SNX24: variants seen among roughly 807,000 people sequenced by gnomAD.
The protein encoded by SNX24 is sorting nexin-24.
Under a neutral mutation model 28.7 loss-of-function variants are expected in SNX24, and 22 were observed. The observed-to-expected ratio is 0.77, with a 90% CI of 0.55 to 1.10. The LOEUF is 1.10. Among genes scored for constraint, SNX24 ranks in the 50% least tolerant of loss-of-function variants. The pLI, the probability that SNX24 is intolerant of heterozygous loss-of-function variation, is 0.00. For missense variants in SNX24, 221 were observed against 201.1 expected (o/e 1.10, Z -0.60); for synonymous variants, 69 against 71.5 (o/e 0.96, Z 0.18).
At chr5:122,956,464 T>A (rs1045887690) in intron 3 of SNX24, among the ~76,000 whole-genome samples, 8 of 151,872 alleles carry the variant, frequency 5.3e-5, no homozygotes, top group Admixed American at 2.0e-4. Flanking sequence ...GTTGCTTCCA[T>A]GTTTTAGTTT....
chr5:122,925,562 C>A (rs1405370290), intron 1 of SNX24, among the ~76,000 whole-genome samples: 1 of 151,958 alleles, frequency 6.6e-6, no homozygotes, highest in Non-Finnish European at 1.5e-5. Context: ...CTGTGTCAGG[C>A]CTTGGTCTTT....
At chr5:123,001,498 C>G (rs1286304996) in intron 5 of SNX24, 61 bp downstream of exon 5, 7 of 1,156,922 alleles carry the variant, frequency 6.1e-6, no homozygotes, top group Non-Finnish European at 7.6e-6. Flanking sequence ...GTTTAATCAC[C>G]TACGATGTGT....
At position 122,879,575 on chromosome 5, in the gene SNX24, C is replaced by T. The variant is rs144584777; in HGVS notation, c.60+33882C>T. ...TCAGACTCAGTTTCCCTCTCTACCA[C>T]TTACAAGCTGTGAGACATTGAGTGA... On this transcript the variant is annotated intron_variant, in intron 1 of 6. Coordinates refer to ENST00000261369, the MANE Select transcript of SNX24 (RefSeq NM_014035.4). Among the ~76,000 whole-genome samples, 512 of 152,316 alleles carry T rather than the reference C, an allele frequency of 3.4e-3. 4 individuals are homozygous for T. The highest frequency in any genetic ancestry group is 0.012 in the African/African-American group (488 of 41,570).
At chr5:122,976,307 A>G (rs112390044) in intron 3 of SNX24, among the ~76,000 whole-genome samples, 1 of 150,358 alleles carries the variant, frequency 6.7e-6, no homozygotes, top group Non-Finnish European at 1.5e-5. Flanking sequence ...AAAAAAAAAA[A>G]AAACAGGCAA....
chr5:122,877,118 G>A (rs1756259628), intron 1 of SNX24, among the ~76,000 whole-genome samples: 1 of 152,158 alleles, frequency 6.6e-6, no homozygotes, highest in Non-Finnish European at 1.5e-5. Flanking sequence ...GCACTGGGGA[G>A]AGGAGGGCAC....
intron 1 of SNX24, among the ~76,000 whole-genome samples, chr5:122,897,397 A>T (rs1368225004): frequency 6.6e-6 from 1 of 152,124 alleles, no homozygotes; most frequent in African/African-American, 2.4e-5. Flanking sequence ...ACTACCTTAT[A>T]TGAGCCCTTA....
At chr5:122,920,818 A>G (rs892112860) in intron 1 of SNX24, among the ~76,000 whole-genome samples, 32 of 152,242 alleles carry the variant, frequency 2.1e-4, no homozygotes, top group African/African-American at 7.7e-4. Flanking sequence ...TACATGTTCA[A>G]TGCAGAAAAA....
chr5:122,968,888 T>C (rs1298030478), intron 3 of SNX24, among the ~76,000 whole-genome samples: 1 of 152,178 alleles, frequency 6.6e-6, no homozygotes. Context: ...TTTTATACGG[T>C]ATCTAGTTGG....
At chr5:123,018,547 TG>T (rs1762718099) in intron 5 of SNX24, among the ~76,000 whole-genome samples, 2 of 152,094 alleles carry the variant, frequency 1.3e-5, no homozygotes, top group Non-Finnish European at 2.9e-5. Context: ...GAAAAGTTAA[TG>T]GGGGTGGAAA....
intron 6 of SNX24, among the ~76,000 whole-genome samples, 189 bp from the exon 7 acceptor site, chr5:123,007,493 T>A (rs1409396935): frequency 6.6e-6 from 1 of 152,196 alleles, no homozygotes; most frequent in Non-Finnish European, 1.5e-5. Flanking sequence ...GGTGGTGTGC[T>A]CAAGTGGCTT....
At chr5:122,985,602 T>A (rs1260996150) in intron 3 of SNX24, among the ~76,000 whole-genome samples, 1 of 152,248 alleles carries the variant, frequency 6.6e-6, no homozygotes, top group East Asian at 1.9e-4. Context: ...ATGTTATTAT[T>A]GTTTCCTCAG....
intron 1 of SNX24, among the ~76,000 whole-genome samples, chr5:122,894,206 G>T (rs1312573492): frequency 6.6e-6 from 1 of 151,796 alleles, no homozygotes; most frequent in Non-Finnish European, 1.5e-5. Flanking sequence ...GATATTTTTG[G>T]AAAAGTCTTG....
chr5:122,985,831 C>T (rs878920809), intron 3 of SNX24, among the ~76,000 whole-genome samples: 5 of 152,206 alleles, frequency 3.3e-5, no homozygotes, highest in Admixed American at 3.3e-4. Context: ...CTGATTCTGC[C>T]TCTGGAACAA....
At chr5:123,020,050 G>C (rs949788203) in intron 5 of SNX24, among the ~76,000 whole-genome samples, 23 of 152,192 alleles carry the variant, frequency 1.5e-4, no homozygotes, top group Non-Finnish European at 3.1e-4. Context: ...TGTTACTAGA[G>C]AGAAGTCAGG....
intron 3 of SNX24, among the ~76,000 whole-genome samples, chr5:122,954,210 G>T (rs1327504829): frequency 6.9e-6 from 1 of 145,806 alleles, no homozygotes; most frequent in Non-Finnish European, 1.5e-5. Context: ...TATATATATA[G>T]TTTTATATAT....
intron 1 of SNX24, among the ~76,000 whole-genome samples, chr5:122,858,281 A>G (rs1755299472): frequency 6.6e-6 from 1 of 152,256 alleles, no homozygotes; most frequent in African/African-American, 2.4e-5. Flanking sequence ...TTGGAGAATT[A>G]CAAAACTGTG....
chr5:122,905,787 TAG>T (rs2150084094), intron 1 of SNX24, among the ~76,000 whole-genome samples: 1 of 152,320 alleles, frequency 6.6e-6, no homozygotes, highest in South Asian at 2.1e-4. Flanking sequence ...GTTGCAGATT[TAG>T]AGATACTACT....
chr5:122,910,220 T>C (rs1329641174), intron 1 of SNX24, among the ~76,000 whole-genome samples: 1 of 152,214 alleles, frequency 6.6e-6, no homozygotes, highest in East Asian at 1.9e-4. Context: ...TATGCTTTGC[T>C]GTGTGTCAGG....
At chr5:123,002,626 C>T (rs1313545790) in intron 6 of SNX24, among the ~76,000 whole-genome samples, 3 of 152,160 alleles carry the variant, frequency 2.0e-5, no homozygotes, top group East Asian at 3.9e-4. Flanking sequence ...AGCGAGACTC[C>T]GTCTCAAAAA....
Sources: gnomAD v4.1 joint callset for allele counts (sites outside exome capture counted in the v4.1 genomes callset) on GRCh38, gnomAD v4.1.1 for gene constraint, MANE v1.5 for transcripts, NCBI Gene and HGNC (gene_info 2026-07-23, HGNC 2026-07-21) for gene names.